The following FHIT variants were observed in gnomAD, a reference collection of about 807,000 sequenced individuals.
The protein encoded by FHIT is fragile histidine triad diadenosine triphosphatase.
In FHIT, 19 loss-of-function variants were observed where a neutral mutation model predicts 17.9. The observed-to-expected ratio is 1.06, with a 90% CI of 0.74 to 1.56. The LOEUF (loss-of-function observed/expected upper bound fraction) is 1.56, where lower values mean the gene tolerates loss of function less well. Ranked by LOEUF, FHIT falls within the 40% of genes most tolerant of loss-of-function variation. FHIT has a pLI of 0.00. For missense variants in FHIT, 248 were observed against 189.2 expected, an observed-to-expected ratio of 1.31 and a Z score of -1.82; for synonymous variants, 81 against 69.7, an observed-to-expected ratio of 1.16 and a Z score of -0.81.
Position 60,365,121 on chromosome 3 carries a change from T to TAA in FHIT, c.103+171737_103+171738dup, listed in dbSNP as rs1467488657. 3.9e-3 allele frequency among the ~76,000 whole-genome samples: 588 copies of TAA among 149,394 alleles called. 4 individuals carry two copies. Among genetic ancestry groups the TAA allele is most frequent in the African/African-American group, 0.014 (557 of 40,966 alleles). ...ACATATAAACAGAACATTATATATA[T>TAA]AATACTAAGACCTATATATACAGTA... is the stretch of plus-strand genomic sequence containing the variant. On this transcript the variant is annotated intron_variant, in intron 5 of 9. Transcript: ENST00000492590.
At chr3:59,822,242 G>C (rs1700819166) in intron 8 of FHIT, among the ~76,000 whole-genome samples, 1 of 152,154 alleles carries the variant, frequency 6.6e-6, no homozygotes. Flanking sequence ...ATTGTGAATT[G>C]TGCTGCTATG....
intron 3 of FHIT, among the ~76,000 whole-genome samples, chr3:60,916,852 A>T (rs1553767224): frequency 6.6e-6 from 1 of 152,214 alleles, no homozygotes; most frequent in Non-Finnish European, 1.5e-5. Flanking sequence ...AGTTTGTAAT[A>T]TAAAGTGGAG....
rs78892192 is a variant in FHIT at position 60,945,772 on chromosome 3, T to G, written c.-111+96275A>C. ...AAATAAGGTAGTTTCTTCTGATTGT[T>G]TCTCTTTCTCCAGTGAAATAAGAAG... On this transcript the variant is annotated intron_variant, in intron 3 of 9. Coordinates refer to ENST00000492590, the MANE Select transcript of FHIT (RefSeq NM_002012.4). Among the ~76,000 whole-genome samples, 81 of 152,346 alleles carry G rather than the reference T, an allele frequency of 5.3e-4. No homozygotes were observed. In the East Asian group the frequency reaches 0.015, roughly 29 times the overall value.
At chr3:60,503,805 T>C (rs1360591850) in intron 5 of FHIT, among the ~76,000 whole-genome samples, 1 of 152,164 alleles carries the variant, frequency 6.6e-6, no homozygotes, top group African/African-American at 2.4e-5. Flanking sequence ...TTGGAGAAGA[T>C]GGAAGAAAAC....
chr3:60,643,600 G>A (rs1469457251), intron 4 of FHIT, among the ~76,000 whole-genome samples: 2 of 152,128 alleles, frequency 1.3e-5, no homozygotes, highest in Non-Finnish European at 2.9e-5. Context: ...TGCATTCTTA[G>A]GCTCATGTAG....
chr3:59,952,378 GACATGCAGACATCTCCCC>G (rs914876392), intron 7 of FHIT, among the ~76,000 whole-genome samples: 1 of 152,070 alleles, frequency 6.6e-6, no homozygotes, highest in African/African-American at 2.4e-5. Context: ...AGACCCTCGG[GACATGCAGACATCTCCCC>G]ACTCCCAGTC....
At chr3:60,943,944 C>T (rs1428029471) in intron 3 of FHIT, among the ~76,000 whole-genome samples, 1 of 152,058 alleles carries the variant, frequency 6.6e-6, no homozygotes, top group East Asian at 1.9e-4. Context: ...CTGTACTTTC[C>T]TCTTCAACCT....
intron 2 of FHIT, among the ~76,000 whole-genome samples, chr3:61,079,386 A>C (rs2035063752): frequency 6.6e-6 from 1 of 152,170 alleles, no homozygotes; most frequent in Non-Finnish European, 1.5e-5. Flanking sequence ...AGATTTAAAA[A>C]ATTTGGATAC....
rs912711131 is a variant in FHIT at position 60,475,107 on chromosome 3, T to C, written c.103+61753A>G. Among the ~76,000 whole-genome samples the C allele has an allele frequency of 1.4e-5, 2 of 141,368 alleles. 1 individual carries two copies. Among genetic ancestry groups the C allele is most frequent in the African/African-American group, 6.3e-5 (2 of 31,578 alleles). The allele number at this position is 141,368 out of a possible 152,430, so 92.7% of individuals were successfully genotyped here. ...AGCTTGGGGGAAAACGAAAAACTCTTATTAGAATTACTACTAGTTGCTGTA... is the reference window on the plus strand; with the variant it reads ...AGCTTGGGGGAAAACGAAAAACTCTCATTAGAATTACTACTAGTTGCTGTA... On this transcript the variant is annotated intron_variant, in intron 5 of 9. Transcript: ENST00000492590.
chr3:60,027,721 TA>T (rs11433582), intron 5 of FHIT, among the ~76,000 whole-genome samples: 165 of 144,578 alleles, frequency 1.1e-3, no homozygotes, highest in Non-Finnish European at 1.6e-3. Flanking sequence ...ATTTAGTTTA[TA>T]AAAAAAAAAA....
At chr3:60,668,152 G>C (rs1178315192) in intron 4 of FHIT, among the ~76,000 whole-genome samples, 1 of 151,860 alleles carries the variant, frequency 6.6e-6, no homozygotes, top group Non-Finnish European at 1.5e-5. Context: ...CAGAGAAAAA[G>C]AGGCTTCCCT....
At chr3:61,053,284 A>G (rs2034093657) in intron 2 of FHIT, among the ~76,000 whole-genome samples, 1 of 152,212 alleles carries the variant, frequency 6.6e-6, no homozygotes, top group Non-Finnish European at 1.5e-5. Flanking sequence ...TGCCCACAAT[A>G]CATTCACATA....
At chr3:59,885,610 C>T (rs116375542) in intron 8 of FHIT, among the ~76,000 whole-genome samples, 1,936 of 152,218 alleles carry the variant, frequency 0.013, 53 homozygotes, top group African/African-American at 0.044. Context: ...AGCTTCACAT[C>T]CTAACTGCAT....
chr3:60,393,546 C>G (rs1701316488), intron 5 of FHIT, among the ~76,000 whole-genome samples: 1 of 151,816 alleles, frequency 6.6e-6, no homozygotes. Flanking sequence ...AAAAGCTGAC[C>G]AAATAAAAGA....
chr3:61,121,481 C>G (rs1345634786), intron 2 of FHIT, among the ~76,000 whole-genome samples: 1 of 152,096 alleles, frequency 6.6e-6, no homozygotes, highest in Non-Finnish European at 1.5e-5. Context: ...TCATATCCAG[C>G]CAAACTATGT....
At chr3:60,672,909 A>ATGTGTGTGTGTGTGTG (rs1559630040) in intron 4 of FHIT, among the ~76,000 whole-genome samples, 1 of 145,700 alleles carries the variant, frequency 6.9e-6, no homozygotes, top group Non-Finnish European at 1.5e-5. Flanking sequence ...GTGTGTGTGC[A>ATGTGTGTGTGTGTGTG]TGCATGCTCT....
chr3:59,755,608 C>T, intron 8 of FHIT, among the ~76,000 whole-genome samples: 1 of 152,214 alleles, frequency 6.6e-6, no homozygotes, highest in Middle Eastern at 3.2e-3. Context: ...CTTGTTAACA[C>T]ACAAGACAGT....
chr3:61,016,690 G>A (rs1369319866), intron 3 of FHIT, among the ~76,000 whole-genome samples: 1 of 152,184 alleles, frequency 6.6e-6, no homozygotes. Context: ...CATCACTAAT[G>A]AAACAAGTCC....
At chr3:61,220,721 A>G (rs2039813788) in intron 1 of FHIT, among the ~76,000 whole-genome samples, 1 of 152,226 alleles carries the variant, frequency 6.6e-6, no homozygotes. Flanking sequence ...TCTTTAATAA[A>G]AGAATATTAT....
Sources: gnomAD v4.1 joint callset for allele counts (sites outside exome capture counted in the v4.1 genomes callset) on GRCh38, gnomAD v4.1.1 for gene constraint, MANE v1.5 for transcripts, NCBI Gene and HGNC (gene_info 2026-07-23, HGNC 2026-07-21) for gene names.